Variants in NPSR1 observed in about 807,000 individuals in gnomAD.
NPSR1 encodes neuropeptide S receptor 1.
NPSR1 carries 48 observed loss-of-function variants against 46.9 expected under a neutral mutation model. The observed-to-expected ratio is 1.02, with a 90% CI of 0.81 to 1.30. NPSR1 has a LOEUF of 1.30. NPSR1 is among the 50% of genes most tolerant of loss of function. The pLI is 0.00. For synonymous variants in NPSR1, 176 were observed against 168.1 expected (o/e 1.05, Z -0.36); for missense variants, 450 against 449.5 (o/e 1.00, Z -0.01).
At chr7:34,869,575 C>A (rs541893839) in intron 8 of NPSR1, among the ~76,000 whole-genome samples, 31 of 151,842 alleles carry the variant, frequency 2.0e-4, no homozygotes, top group Non-Finnish European at 2.9e-5. Context: ...TTACCTCTAG[C>A]AATGTTCCCG....
In NPSR1 at chr7:34,777,297, T is replaced by C. The variant is rs1211606488; in HGVS notation, c.281-1165T>C. On this transcript the variant is annotated intron_variant, in intron 2 of 8. Coordinates refer to ENST00000360581, the MANE Select transcript of NPSR1 (RefSeq NM_207172.2). Reference sequence around the variant, plus strand: ...TCCTTTTGGCTAGAGCTAATATAAATGCTGTCTCCATGGGGTGGGGCATCA... The same window carrying C: ...TCCTTTTGGCTAGAGCTAATATAAACGCTGTCTCCATGGGGTGGGGCATCA... Among the ~76,000 whole-genome samples, 7 of 152,256 alleles carry C rather than the reference T, an allele frequency of 4.6e-5. No individual in the cohort carries two copies. In the East Asian group the frequency reaches 1.4e-3, roughly 29 times the overall value.
chr7:34,683,444 C>T (rs35486002), intron 1 of NPSR1, among the ~76,000 whole-genome samples: 2,780 of 110,972 alleles, frequency 0.025, 47 homozygotes, highest in Middle Eastern at 0.034. Flanking sequence ...GAGACTCTGT[C>T]ACAAAAAAAA....
intron 2 of NPSR1, among the ~76,000 whole-genome samples, chr7:34,693,368 C>T (rs1337006092): frequency 6.6e-6 from 1 of 152,166 alleles, no homozygotes; most frequent in Non-Finnish European, 1.5e-5. Context: ...ATGAACACCT[C>T]TGTGCACACA....
intron 1 of NPSR1, among the ~76,000 whole-genome samples, chr7:34,681,845 C>T (rs1054978854): frequency 6.6e-6 from 1 of 152,118 alleles, no homozygotes; most frequent in African/African-American, 2.4e-5. Flanking sequence ...GAGTAATTCA[C>T]CTTTAGGGAT....
intron 1 of NPSR1, among the ~76,000 whole-genome samples, chr7:34,658,813 TTA>T (rs1791313077): frequency 6.6e-6 from 1 of 152,136 alleles, no homozygotes; most frequent in South Asian, 2.1e-4. Flanking sequence ...TGAGTAACAT[TTA>T]TGAGTGGATG....
rs968610610 is a variant in NPSR1 at position 34,684,456 on chromosome 7, T to C, written c.148-96T>C. 10 of 1,207,718 alleles carry C rather than the reference T, an allele frequency of 8.3e-6. No homozygotes were observed. The East Asian group carries it at 2.5e-4, about 30-fold the overall frequency. 74.8% of individuals were successfully genotyped at this position (1,207,718 alleles called of 1,614,324 possible). On this transcript the variant is annotated intron_variant, in intron 1 of 8. Coordinates refer to ENST00000360581, the MANE Select transcript of NPSR1 (RefSeq NM_207172.2). The stretch of plus-strand genomic sequence containing the variant: ...TAGAGCTTCCAAAAGTAGGGATATG[T>C]GGCTAGGAGGAAGAAATCCAGCCTG...
chr7:34,828,976 A>G (rs1789992784), intron 5 of NPSR1, among the ~76,000 whole-genome samples: 1 of 152,182 alleles, frequency 6.6e-6, no homozygotes, highest in Non-Finnish European at 1.5e-5. Context: ...TTGCCAACCT[A>G]AGAGTTTAAA....
At chr7:34,689,377 G>A (rs1002054325) in intron 2 of NPSR1, among the ~76,000 whole-genome samples, 10 of 151,514 alleles carry the variant, frequency 6.6e-5, no homozygotes, top group East Asian at 2.0e-4. Context: ...AGGCCAAGGC[G>A]GGCAGATCAC....
At chr7:34,855,650 G>A (rs1183505177) in intron 8 of NPSR1, among the ~76,000 whole-genome samples, 1 of 152,056 alleles carries the variant, frequency 6.6e-6, no homozygotes, top group Non-Finnish European at 1.5e-5. Context: ...TAGAAAAAGT[G>A]TGACTTTTCA....
At chr7:34,871,310 G>A (rs1306433193) in intron 8 of NPSR1, among the ~76,000 whole-genome samples, 1 of 151,544 alleles carries the variant, frequency 6.6e-6, no homozygotes, top group African/African-American at 2.4e-5. Context: ...CTCATCATTA[G>A]GGGATGGGGC....
chr7:34,856,916 G>T (rs1405683745), intron 8 of NPSR1, among the ~76,000 whole-genome samples: 2 of 151,400 alleles, frequency 1.3e-5, no homozygotes, highest in African/African-American at 2.4e-5. Flanking sequence ...TAGATGGGGG[G>T]GGAAATCTCT....
intron 1 of NPSR1, among the ~76,000 whole-genome samples, chr7:34,665,107 A>C (rs1245540104): frequency 6.6e-6 from 1 of 152,224 alleles, no homozygotes; most frequent in East Asian, 1.9e-4. Context: ...AGTTAAGATA[A>C]GGTAAAAATA....
intron 8 of NPSR1, among the ~76,000 whole-genome samples, chr7:34,865,022 A>T (rs6952922): frequency 0.067 from 10,115 of 151,814 alleles, 511 homozygotes; most frequent in Middle Eastern, 0.19. Flanking sequence ...GGTCCATAAA[A>T]ATTTCTCAAG....
intron 8 of NPSR1, among the ~76,000 whole-genome samples, chr7:34,857,150 ATATC>A (rs1791069723): frequency 1.3e-5 from 2 of 151,908 alleles, no homozygotes; most frequent in East Asian, 3.9e-4. Flanking sequence ...ATGCAGAAAT[ATATC>A]ATGACTATTG....
chr7:34,858,179 A>G (rs1791092542), intron 8 of NPSR1, among the ~76,000 whole-genome samples: 1 of 151,782 alleles, frequency 6.6e-6, no homozygotes, highest in Non-Finnish European at 1.5e-5. Flanking sequence ...TTGAAATTCC[A>G]CACTGAGTAC....
intron 4 of NPSR1, among the ~76,000 whole-genome samples, chr7:34,823,625 A>C (rs1285623406): frequency 6.6e-6 from 1 of 152,070 alleles, no homozygotes; most frequent in African/African-American, 2.4e-5. Context: ...TTTGAGGGAA[A>C]TGTAACAATA....
At chr7:34,741,079 G>A (rs985063200) in intron 2 of NPSR1, among the ~76,000 whole-genome samples, 8 of 152,186 alleles carry the variant, frequency 5.3e-5, no homozygotes, top group African/African-American at 1.9e-4. Flanking sequence ...TCTTGTACAT[G>A]ACAAGTCATT....
Position 34,778,555 on chromosome 7 carries a change from G to A in NPSR1, c.374G>A (p.Arg125His), listed in dbSNP as rs373742826. Residue 125 changes from arginine (R) to histidine (H), a missense_variant, in exon 3 of 9, where the codon CGC (arginine) becomes CAC (histidine). By Grantham distance (29) the Arg-to-His change is conservative. Transcript: ENST00000360581. ...CCTGACCTGGTTTGCCGAGTGGTCC[G>A]CTATTTGCAGGTATGTCACACCTTC... Reference protein sequence around the residue: ...TAPDLVCRVVRYLQVVLLYAS... With the variant: ...TAPDLVCRVVHYLQVVLLYAS... 193 of 1,605,552 alleles carry A rather than the reference G, an allele frequency of 1.2e-4. No individual in the cohort carries two copies. The highest frequency in any genetic ancestry group is 3.7e-4 in the Admixed American group (22 of 59,782).
chr7:34,762,412 C>G (rs894199616), intron 2 of NPSR1, among the ~76,000 whole-genome samples: 1 of 152,118 alleles, frequency 6.6e-6, no homozygotes, highest in Admixed American at 6.6e-5. Flanking sequence ...TAGACATATA[C>G]TTTTGGAGAA....
Sources: allele counts gnomAD v4.1 joint callset (sites outside exome capture counted in the v4.1 genomes callset), GRCh38; gene constraint gnomAD v4.1.1; transcripts MANE v1.5; gene names NCBI Gene and HGNC (gene_info 2026-07-23, HGNC 2026-07-21).